The following C2orf76 variants were observed in gnomAD, a reference collection of about 807,000 sequenced individuals.
C2orf76 encodes the protein chromosome 2 open reading frame 76, also known as UPF0538 protein C2orf76.
A neutral mutation model predicts 16.9 loss-of-function variants in C2orf76; 23 were observed. That is an observed-to-expected ratio of 1.36 (90% CI 0.98 to 1.93). C2orf76 has a LOEUF of 1.93. C2orf76 is among the 30% of genes most tolerant of loss of function. C2orf76 has a pLI of 0.00. For synonymous variants in C2orf76, 48 were observed against 52.3 expected, an observed-to-expected ratio of 0.92 and a Z score of 0.35; for missense variants, 152 against 152.6, an observed-to-expected ratio of 1.00 and a Z score of 0.02.
At chr2:119,301,873 G>GA (rs538645918), downstream of C2orf76, among the ~76,000 whole-genome samples, 5,710 of 74,774 alleles carry the variant, frequency 0.076, 108 homozygotes, top group South Asian at 0.12. Context: ...AGAAAGAAAA[G>GA]AAAAAAAAAA....
chr2:119,295,760 C>T, the C2orf76 span, among the ~76,000 whole-genome samples: 4 of 152,188 alleles, frequency 2.6e-5, no homozygotes, highest in South Asian at 2.1e-4. Context: ...TGACTTCATC[C>T]GGGACCTGAA....
intron 2 of C2orf76, among the ~76,000 whole-genome samples, chr2:119,332,556 T>C (rs1044820253): frequency 8.4e-6 from 1 of 119,250 alleles, no homozygotes; most frequent in Non-Finnish European, 1.9e-5. Context: ...AGATCCTTTA[T>C]TATTTTTTTT....
chr2:119,311,623 G>T lies in C2orf76; in HGVS notation c.303C>A (p.Ile101=). The part of the protein sequence containing the change: ...KEDSTLKAAG[I]ASETEIAFFC... ...GCAACACAAGGCCCCCTTCCTCACC[G>T]ATTCCAGCTGCTTTCAGAGTGCTGT... is the stretch of plus-strand genomic sequence containing the variant. Residue 101 remains isoleucine (I), a splice_region_variant and synonymous_variant, in exon 5 of 6, where the codon ATC becomes ATA. Coordinates refer to ENST00000334816, the MANE Select transcript of C2orf76 (RefSeq NM_001322331.2). 1 of 1,612,658 alleles carries T rather than the reference G, an allele frequency of 6.2e-7. No individual in the cohort carries two copies. Among genetic ancestry groups the T allele is most frequent in the Non-Finnish European group, 8.5e-7 (1 of 1,179,658 alleles).
At chr2:119,286,835 G>T in the C2orf76 span, among the ~76,000 whole-genome samples, 1 of 152,154 alleles carries the variant, frequency 6.6e-6, no homozygotes, top group African/African-American at 2.4e-5. Context: ...AAGGGAAGGG[G>T]AGGCCGTTCT....
At chr2:119,299,812 T>G (rs1198747333), downstream of C2orf76, among the ~76,000 whole-genome samples, 2 of 152,238 alleles carry the variant, frequency 1.3e-5, no homozygotes, top group Non-Finnish European at 2.9e-5. Context: ...TAAAAAAGCC[T>G]GGTATGCAAA....
At chr2:119,309,458 G>A (rs1408833506) in intron 5 of C2orf76, among the ~76,000 whole-genome samples, 1 of 119,512 alleles carries the variant, frequency 8.4e-6, no homozygotes, top group East Asian at 2.5e-4. Flanking sequence ...CCAGGCTGGA[G>A]TGCTGTGCTG....
At chr2:119,355,466 T>C (rs574691732) in intron 1 of C2orf76, among the ~76,000 whole-genome samples, 45 of 152,322 alleles carry the variant, frequency 3.0e-4, no homozygotes, top group Middle Eastern at 3.4e-3. Context: ...CAGCCCTTTA[T>C]AAAGAATTTG....
intron 2 of C2orf76, among the ~76,000 whole-genome samples, chr2:119,326,721 T>G (rs888057050): frequency 6.6e-6 from 1 of 152,228 alleles, no homozygotes; most frequent in African/African-American, 2.4e-5. Flanking sequence ...CTCCATTTAC[T>G]TAGGTCTCTA....
chr2:119,331,972 C>G (rs79317858), intron 2 of C2orf76, among the ~76,000 whole-genome samples: 1 of 151,654 alleles, frequency 6.6e-6, no homozygotes, highest in African/African-American at 2.4e-5. Flanking sequence ...AGGAAGGTCA[C>G]GAGAAGGTAA....
chr2:119,313,883 G>C (rs879290270), intron 4 of C2orf76, among the ~76,000 whole-genome samples: 1 of 152,048 alleles, frequency 6.6e-6, no homozygotes, highest in African/African-American at 2.4e-5. Context: ...ATTTTTTAAT[G>C]GAATTGTAGG....
At chr2:119,309,021 G>C (rs1678888902) in intron 5 of C2orf76, among the ~76,000 whole-genome samples, 1 of 152,144 alleles carries the variant, frequency 6.6e-6, no homozygotes, top group African/African-American at 2.4e-5. Context: ...GACAGTAAAA[G>C]ACAGAATCAG....
At chr2:119,310,596 C>T (rs11123515) in intron 5 of C2orf76, among the ~76,000 whole-genome samples, 47,579 of 152,080 alleles carry the variant, frequency 0.31, 7,899 homozygotes, top group Non-Finnish European at 0.38. Flanking sequence ...TAACCGTGTT[C>T]CTTAACAAGT....
intron 2 of C2orf76, among the ~76,000 whole-genome samples, chr2:119,322,347 C>G (rs780865443): frequency 2.6e-5 from 4 of 152,196 alleles, no homozygotes; most frequent in Admixed American, 6.5e-5. Flanking sequence ...GCTGGGATTA[C>G]AGGTGCATGC....
intron 2 of C2orf76, among the ~76,000 whole-genome samples, chr2:119,322,489 T>C (rs976994589): frequency 1.3e-5 from 2 of 152,176 alleles, no homozygotes; most frequent in African/African-American, 4.8e-5. Context: ...ATTACAGGCA[T>C]GAGCTACTAT....
At chr2:119,332,019 A>C (rs1679691770) in intron 2 of C2orf76, among the ~76,000 whole-genome samples, 1 of 152,210 alleles carries the variant, frequency 6.6e-6, no homozygotes, top group Non-Finnish European at 1.5e-5. Flanking sequence ...TCTCCATAAA[A>C]AAAAAATCAG....
intron 1 of C2orf76, among the ~76,000 whole-genome samples, chr2:119,365,421 T>C (rs1333407829): frequency 6.6e-6 from 1 of 152,228 alleles, no homozygotes; most frequent in Non-Finnish European, 1.5e-5. Context: ...TTGGTTTTCC[T>C]TTCTCAAACA....
In C2orf76 at chr2:119,366,790, C is replaced by A; in HGVS notation, c.-13G>T. 3.5e-6 allele frequency: 2 copies of A among 576,152 alleles called. No homozygotes were observed. The highest frequency in any genetic ancestry group is 6.1e-6 in the Non-Finnish European group (2 of 325,864). 35.7% of individuals were successfully genotyped at this position (576,152 alleles called of 1,614,324 possible). A position where few individuals can be genotyped will look rare whatever the true frequency, so the allele number is the denominator to read the frequency against. On this transcript the variant is annotated splice_region_variant and 5_prime_UTR_variant, in exon 1 of 6. The change creates a new upstream start codon in the 5' untranslated region. Coordinates refer to ENST00000334816, the MANE Select transcript of C2orf76 (RefSeq NM_001322331.2). ...AGCACCCTACTTCCGTTGTCCCCAC[C>A]TGTTCCCGGCGTCCCCTTCGGCTAC...
intron 1 of C2orf76, chr2:119,366,588 T>C: frequency 2.2e-6 from 1 of 460,864 alleles, no homozygotes; most frequent in South Asian, 1.6e-5. Flanking sequence ...GTCTCAGAGT[T>C]TACTTGTCCA....
chr2:119,348,609 C>T (rs1039938337), intron 1 of C2orf76, among the ~76,000 whole-genome samples: 2 of 152,146 alleles, frequency 1.3e-5, no homozygotes, highest in South Asian at 2.1e-4. Flanking sequence ...TCGCTTGAAC[C>T]GGGGAGGCAG....
Sources: allele counts gnomAD v4.1 joint callset (sites outside exome capture counted in the v4.1 genomes callset), GRCh38; gene constraint gnomAD v4.1.1; transcripts MANE v1.5; gene names NCBI Gene and HGNC (gene_info 2026-07-23, HGNC 2026-07-21).